OR5M9: variants seen among roughly 807,000 people sequenced by gnomAD.
The protein encoded by OR5M9 is olfactory receptor 5M9.
For synonymous variants in OR5M9, 174 were observed against 145.0 expected (o/e 1.20, Z -1.44); for missense variants, 464 against 383.6 (o/e 1.21, Z -1.75).
At position 56,462,747 on chromosome 11, in the gene OR5M9, T is replaced by G; in HGVS notation, c.655A>C (p.Ile219Leu). The change falls in exon 1 of 1, where the codon ATT (isoleucine) becomes CTT (leucine). Residue 219 changes from isoleucine (I) to leucine (L), a missense_variant. By Grantham distance (5) the Ile-to-Leu change is conservative. Transcript: ENST00000279791. ...LSVVLISYTL[I>L]VVAVLRMRSA... ...CGCATGCGTAGCACAGCTACTACAA[T>G]GAGAGTGTAGGAGATGAGGACCACC... 6.2e-7 allele frequency: 1 copy of G among 1,601,350 alleles called. No individual in the cohort carries two copies. Among genetic ancestry groups the G allele is most frequent in the African/African-American group, 1.4e-5 (1 of 71,338 alleles).
Position 56,463,067 on chromosome 11 carries a change from A to C in OR5M9, c.335T>G (p.Ile112Ser), listed in dbSNP as rs1247387167. Residue 112 changes from isoleucine to serine, a missense_variant, in exon 1 of 1, where the codon ATC (isoleucine) becomes AGC (serine). By Grantham distance (142) the Ile-to-Ser change is moderately radical. Transcript: ENST00000279791. ...CCTGTCAAAGGCCATCACAGCCAGG[A>C]TATAGACCTCCACGTGGACAACGGC... The part of the protein sequence containing the change: ...FIAVVHVEVY[I>S]LAVMAFDRYM... The C allele has an allele frequency of 1.9e-6, 3 of 1,614,056 alleles. No individual in the cohort carries two copies. Among genetic ancestry groups the C allele is most frequent in the South Asian group, 1.1e-5 (1 of 91,086 alleles).
At position 56,463,172 on chromosome 11, in the gene OR5M9, G is replaced by A. The variant is rs1402001433; in HGVS notation, c.230C>T (p.Pro77Leu). 6.2e-7 allele frequency: 1 copy of A among 1,613,918 alleles called. No individual in the cohort carries two copies. The highest frequency in any genetic ancestry group is 1.3e-5 in the African/African-American group (1 of 75,022). ...ADVCFSSNVT[P>L]KMLENLLSET... ...TGATAATAAGTTTTCCAGCATTTTG[G>A]GGGTAACGTTGGAGGAGAAGCACAC... Residue 77 changes from proline (P) to leucine (L), a missense_variant, in exon 1 of 1, where the codon CCC (proline) becomes CTC (leucine). Physicochemically the swap from Pro to Leu is moderately conservative, Grantham distance 98. Transcript: ENST00000279791.
At position 56,462,537 on chromosome 11, in the gene OR5M9, T is replaced by C. The variant is rs764279669; in HGVS notation, c.865A>G (p.Ser289Gly). The C allele has an allele frequency of 1.2e-6, 2 of 1,613,890 alleles. No homozygotes were observed. Among genetic ancestry groups the C allele is most frequent in the Non-Finnish European group, 8.5e-7 (1 of 1,179,770 alleles). Residue 289 changes from serine to glycine, a missense_variant, in exon 1 of 1, where the codon AGT becomes GGT. Coordinates refer to ENST00000279791, the MANE Select transcript of OR5M9 (RefSeq NM_001004743.1). ...VIPMLNPMIYSLRNKDVKEAV... is the reference protein window; with the variant it reads ...VIPMLNPMIYGLRNKDVKEAV... ...TCTTTTACATCCTTATTTCTCAGAC[T>C]GTAGATCATGGGATTCAACATAGGA...
Position 56,463,168 on chromosome 11 carries a change from T to G in OR5M9, c.234A>C (p.Lys78Asn). The change falls in exon 1 of 1, where the codon AAA becomes AAC. Residue 78 changes from lysine (K) to asparagine (N), a missense_variant. Physicochemically the swap from Lys to Asn is moderately conservative, Grantham distance 94. Transcript: ENST00000279791. ...TCTCTGATAATAAGTTTTCCAGCAT[T>G]TTGGGGGTAACGTTGGAGGAGAAGC... ...DVCFSSNVTP[K>N]MLENLLSETK... The G allele has an allele frequency of 6.2e-7, 1 of 1,613,978 alleles. No homozygotes were observed. Among genetic ancestry groups the G allele is most frequent in the South Asian group, 1.1e-5 (1 of 91,084 alleles).
In OR5M9 at chr11:56,462,511, TTCTTTTACA is replaced by T; in HGVS notation, c.882_890del (p.Asp294_Lys296del). On this transcript the variant is annotated inframe_deletion, in exon 1 of 1. Transcript: ENST00000279791. ...TCTTGGTGATTGCTTTGTTGACTGC[TTCTTTTACA>T]TCCTTATTTCTCAGACTGTAGATCA... The T allele has an allele frequency of 3.1e-6, 5 of 1,613,618 alleles. No individual in the cohort carries two copies. The highest frequency in any genetic ancestry group is 4.2e-6 in the Non-Finnish European group (5 of 1,179,570).
At position 56,462,669 on chromosome 11, in the gene OR5M9, C is replaced by T; in HGVS notation, c.733G>A (p.Ala245Thr). The change falls in exon 1 of 1, where the codon GCT becomes ACT. Residue 245 changes from alanine to threonine, a missense_variant. Coordinates refer to ENST00000279791, the MANE Select transcript of OR5M9 (RefSeq NM_001004743.1). ...AFSTCGSHLT[A>T]VSMFYGTPIF... ...GGGGTCCCATAAAACATAGAAACAGCCGTCAAGTGGGACCCACAGGTGGAG... is the reference window on the plus strand; with the variant it reads ...GGGGTCCCATAAAACATAGAAACAGTCGTCAAGTGGGACCCACAGGTGGAG... 1 of 1,613,556 alleles carries T rather than the reference C, an allele frequency of 6.2e-7. No homozygotes were observed. Among genetic ancestry groups the T allele is most frequent in the Non-Finnish European group, 8.5e-7 (1 of 1,179,808 alleles).
chr11:56,463,238 C>T lies in OR5M9; in HGVS notation c.164G>A (p.Ser55Asn). The change falls in exon 1 of 1, where the codon AGT becomes AAT. Residue 55 changes from serine (S) to asparagine (N), a missense_variant. By Grantham distance (46) the Ser-to-Asn change is conservative. Transcript: ENST00000279791. Reference protein sequence around the residue: ...ILISISPQLQSPMYFFLSHLS... With the variant: ...ILISISPQLQNPMYFFLSHLS... ...ATGACTCAGGAAAAAGTACATGGGA[C>T]TCTGAAGCTGAGGACTGATGCTAAT... 1 of 1,613,928 alleles carries T rather than the reference C, an allele frequency of 6.2e-7. No individual in the cohort carries two copies. Among genetic ancestry groups the T allele is most frequent in the Non-Finnish European group, 8.5e-7 (1 of 1,179,944 alleles).
rs1468811165 is a variant in OR5M9 at position 56,462,675 on chromosome 11, A to G, written c.727T>C (p.Leu243=). 6.2e-7 allele frequency: 1 copy of G among 1,613,624 alleles called. No homozygotes were observed. The highest frequency in any genetic ancestry group is 1.3e-5 in the African/African-American group (1 of 75,060). ...CCATAAAACATAGAAACAGCCGTCA[A>G]GTGGGACCCACAGGTGGAGAACGCC... The part of the protein sequence containing the change: ...RKAFSTCGSH[L]TAVSMFYGTP... Residue 243 remains leucine, a synonymous_variant, in exon 1 of 1, where the codon TTG becomes CTG. Coordinates refer to ENST00000279791, the MANE Select transcript of OR5M9 (RefSeq NM_001004743.1).
Position 56,462,769 on chromosome 11 carries a change from C to G in OR5M9, c.633G>C (p.Val211=). 2.5e-6 allele frequency: 4 copies of G among 1,612,816 alleles called. No homozygotes were observed. The highest frequency in any genetic ancestry group is 3.4e-6 in the Non-Finnish European group (4 of 1,179,636). Residue 211 remains valine (V), a synonymous_variant, in exon 1 of 1, where the codon GTG becomes GTC. Coordinates refer to ENST00000279791, the MANE Select transcript of OR5M9 (RefSeq NM_001004743.1). ...CAATGAGAGTGTAGGAGATGAGGACCACCGAGAGGGAATATGTGAAGTTAA... is the reference window on the plus strand; with the variant it reads ...CAATGAGAGTGTAGGAGATGAGGACGACCGAGAGGGAATATGTGAAGTTAA... ...AGINFTYSLS[V]VLISYTLIVV... is the part of the protein sequence containing the mutation.
rs200177845 is a variant in OR5M9 at position 56,462,698 on chromosome 11, G to A, written c.704C>T (p.Ala235Val). 6.3e-5 allele frequency: 102 copies of A among 1,613,244 alleles called. No individual in the cohort carries two copies. In the East Asian group the frequency reaches 1.9e-3, roughly 30 times the overall value. ...CAAGTGGGACCCACAGGTGGAGAAC[G>A]CCTTCCTCCTGCCATCGGCAGAGCG... ...RMRSADGRRK[A>V]FSTCGSHLTA... is the part of the protein sequence containing the mutation. Residue 235 changes from alanine to valine, a missense_variant, in exon 1 of 1, where the codon GCG becomes GTG. Transcript: ENST00000279791.
In OR5M9 at chr11:56,462,670, C is replaced by G. The variant is rs761981582; in HGVS notation, c.732G>C (p.Thr244=). Reference sequence around the variant, plus strand: ...GGGTCCCATAAAACATAGAAACAGCCGTCAAGTGGGACCCACAGGTGGAGA... The same window carrying G: ...GGGTCCCATAAAACATAGAAACAGCGGTCAAGTGGGACCCACAGGTGGAGA... ...KAFSTCGSHL[T]AVSMFYGTPI... Residue 244 remains threonine, a synonymous_variant, in exon 1 of 1, where the codon ACG becomes ACC. Coordinates refer to ENST00000279791, the MANE Select transcript of OR5M9 (RefSeq NM_001004743.1). 1.2e-6 allele frequency: 2 copies of G among 1,613,548 alleles called. No individual in the cohort carries two copies. Among genetic ancestry groups the G allele is most frequent in the Non-Finnish European group, 1.7e-6 (2 of 1,179,818 alleles).
In OR5M9 at chr11:56,463,379, G is replaced by A; in HGVS notation, c.23C>T (p.Thr8Ile). 6.2e-7 allele frequency: 1 copy of A among 1,608,010 alleles called. No homozygotes were observed. The highest frequency in any genetic ancestry group is 1.1e-5 in the South Asian group (1 of 90,132). Residue 8 changes from threonine (T) to isoleucine (I), a missense_variant, in exon 1 of 1, where the codon ACA becomes ATA. Transcript: ENST00000279791. MPNFTDV[T>I]EFTLLGLTCR... ...GGTCAGCCCCAGGAGAGTAAATTCT[G>A]TCACATCCGTGAAATTAGGCATTGC...
At position 56,462,806 on chromosome 11, in the gene OR5M9, A is replaced by G; in HGVS notation, c.596T>C (p.Val199Ala). Reference sequence around the variant, plus strand: ...ATATGTGAAGTTAATTCCAGCAATAACAATCATTGTGATTTCTTTGATGTG... The same window carrying G: ...ATATGTGAAGTTAATTCCAGCAATAGCAATCATTGTGATTTCTTTGATGTG... ...RVHIKEITMI[V>A]IAGINFTYSL... Residue 199 changes from valine (V) to alanine (A), a missense_variant, in exon 1 of 1, where the codon GTT becomes GCT. By Grantham distance (64) the Val-to-Ala change is moderately conservative. Coordinates refer to ENST00000279791, the MANE Select transcript of OR5M9 (RefSeq NM_001004743.1). 6.2e-7 allele frequency: 1 copy of G among 1,613,804 alleles called. No homozygotes were observed. The highest frequency in any genetic ancestry group is 8.5e-7 in the Non-Finnish European group (1 of 1,179,858).
In OR5M9 at chr11:56,462,934, T is replaced by C. The variant is rs1012067902; in HGVS notation, c.468A>G (p.Ile156Met). 1 of 1,614,060 alleles carries C rather than the reference T, an allele frequency of 6.2e-7. No homozygotes were observed. Among genetic ancestry groups the C allele is most frequent in the Non-Finnish European group, 8.5e-7 (1 of 1,179,966 alleles). ...PYVYGFSVSL[I>M]CTLWTYGLYF... ...ATAAGCCATAAGTCCATAGTGTGCA[T>C]ATTAGGCTGACAGAGAATCCATAGA... Residue 156 changes from isoleucine (I) to methionine (M), a missense_variant, in exon 1 of 1, where the codon ATA (isoleucine) becomes ATG (methionine). Ile to Met is a conservative substitution (Grantham distance 10). Transcript: ENST00000279791.
At position 56,462,928 on chromosome 11, in the gene OR5M9, T is replaced by G; in HGVS notation, c.474A>C (p.Thr158=). The change falls in exon 1 of 1, where the codon ACA becomes ACC. Residue 158 remains threonine (T), a synonymous_variant. Transcript: ENST00000279791. Reference sequence around the variant, plus strand: ...AGAAGTATAAGCCATAAGTCCATAGTGTGCATATTAGGCTGACAGAGAATC... The same window carrying G: ...AGAAGTATAAGCCATAAGTCCATAGGGTGCATATTAGGCTGACAGAGAATC... ...VYGFSVSLIC[T]LWTYGLYFCG... is the part of the protein sequence containing the mutation. 5.0e-6 allele frequency: 8 copies of G among 1,614,074 alleles called. No homozygotes were observed. Among genetic ancestry groups the G allele is most frequent in the Non-Finnish European group, 6.8e-6 (8 of 1,179,960 alleles).
Position 56,462,586 on chromosome 11 carries a change from C to CA in OR5M9, c.815dup (p.Ala273GlyfsTer21). 1 of 1,613,638 alleles carries CA rather than the reference C, an allele frequency of 6.2e-7. No homozygotes were observed. Among genetic ancestry groups the CA allele is most frequent in the Non-Finnish European group, 8.5e-7 (1 of 1,179,652 alleles). ...GAATTACTGTGGTGTAAAACACAGC[C>CA]ACCATTTTGCCCTGCTCTACGGATT... is the stretch of plus-strand genomic sequence containing the variant. On this transcript the variant is annotated frameshift_variant, in exon 1 of 1. Transcript: ENST00000279791. LOFTEE classifies it low-confidence loss of function (END_TRUNC).
At position 56,463,120 on chromosome 11, in the gene OR5M9, T is replaced by C. The variant is rs1853578010; in HGVS notation, c.282A>G (p.Gly94=). ...LSETKTISYV[G]CLVQCYFFIA... Reference sequence around the variant, plus strand: ...TGAAAAAGTAGCACTGCACCAAGCATCCCACATAGGAAATGGTTTTTGTCT... The same window carrying C: ...TGAAAAAGTAGCACTGCACCAAGCACCCCACATAGGAAATGGTTTTTGTCT... Residue 94 remains glycine (G), a synonymous_variant, in exon 1 of 1, where the codon GGA becomes GGG. Transcript: ENST00000279791. 6.2e-7 allele frequency: 1 copy of C among 1,613,918 alleles called. No homozygotes were observed. Among genetic ancestry groups the C allele is most frequent in the African/African-American group, 1.3e-5 (1 of 74,910 alleles).
At position 56,463,291 on chromosome 11, in the gene OR5M9, C is replaced by T; in HGVS notation, c.111G>A (p.Leu37=). 1 of 1,613,534 alleles carries T rather than the reference C, an allele frequency of 6.2e-7. No homozygotes were observed. Among genetic ancestry groups the T allele is most frequent in the East Asian group, 2.2e-5 (1 of 44,818 alleles). Residue 37 remains leucine (L), a synonymous_variant, in exon 1 of 1, where the codon CTG becomes CTA. Coordinates refer to ENST00000279791, the MANE Select transcript of OR5M9 (RefSeq NM_001004743.1). ...AAATGATCATACCAATATTTCCCAA[C>T]AGAGTGATCATGTAAACCGCTAGGA... ...VVFLAVYMIT[L]LGNIGMIILI...
rs150372531 is a variant in OR5M9, at chr11:56,463,010, C to A, written c.392G>T (p.Gly131Val). ...YMAGCNPLLY[G>V]SKMSRTVCVR... ...ACACACAGTCCTAGACATTTTACTG[C>A]CATAAAGCAGAGGGTTGCAGCCGGC... is the stretch of plus-strand genomic sequence containing the variant. Residue 131 changes from glycine to valine, a missense_variant, in exon 1 of 1, where the codon GGC (glycine) becomes GTC (valine). By Grantham distance (109) the Gly-to-Val change is moderately radical. Coordinates refer to ENST00000279791, the MANE Select transcript of OR5M9 (RefSeq NM_001004743.1). 2 of 1,613,924 alleles carry A rather than the reference C, an allele frequency of 1.2e-6. No homozygotes were observed. The highest frequency in any genetic ancestry group is 2.2e-5 in the East Asian group (1 of 44,884).
Sources: allele counts gnomAD v4.1 joint callset, GRCh38; gene constraint gnomAD v4.1.1; transcripts MANE v1.5; gene names NCBI Gene and HGNC (gene_info 2026-07-23, HGNC 2026-07-21).